The following PIK3CB variants were observed in gnomAD, a reference collection of about 807,000 sequenced individuals.
PIK3CB encodes phosphatidylinositol 4,5-bisphosphate 3-kinase catalytic subunit beta isoform.
Under a neutral mutation model 136.8 loss-of-function variants are expected in PIK3CB, and 39 were observed. That is an observed-to-expected ratio of 0.29 (90% CI 0.22 to 0.37). PIK3CB has a LOEUF of 0.37. PIK3CB is among the 10% of genes least tolerant of loss of function. PIK3CB has a pLI of 1.00. For synonymous variants in PIK3CB, 428 were observed against 436.6 expected (o/e 0.98, Z 0.25); for missense variants, 868 against 1,275.4 (o/e 0.68, Z 4.87).
intron 11 of PIK3CB, among the ~76,000 whole-genome samples, chr3:138,706,838 T>C (rs961784991): frequency 1.3e-5 from 2 of 152,228 alleles, no homozygotes; most frequent in African/African-American, 4.8e-5. Context: ...GTATTTTTAG[T>C]AGAGACAGGG....
chr3:138,760,198 C>T (rs1250584673), intron 2 of PIK3CB, among the ~76,000 whole-genome samples: 1 of 152,200 alleles, frequency 6.6e-6, no homozygotes, highest in Non-Finnish European at 1.5e-5. Flanking sequence ...GCTGGGATTA[C>T]AGGCGTGACC....
At chr3:138,752,764 CT>C (rs1009940904) in intron 4 of PIK3CB, among the ~76,000 whole-genome samples, 6 of 151,698 alleles carry the variant, frequency 4.0e-5, no homozygotes, top group African/African-American at 1.5e-4. Context: ...GATTATACCC[CT>C]ATGCTATGGT....
intron 10 of PIK3CB, chr3:138,707,508 CA>C (rs1238973413): frequency 7.6e-7 from 1 of 1,308,520 alleles, no homozygotes; most frequent in East Asian, 3.3e-5. Flanking sequence ...AGAAAGTTAA[CA>C]AAACTGAATG....
At chr3:138,664,818 C>T (rs534181932) in intron 20 of PIK3CB, among the ~76,000 whole-genome samples, 2 of 152,272 alleles carry the variant, frequency 1.3e-5, no homozygotes, top group South Asian at 2.1e-4. Context: ...AACTTTACTG[C>T]GGGGCTCCAA....
At chr3:138,718,398 C>T (rs2044656390) in intron 8 of PIK3CB, among the ~76,000 whole-genome samples, 1 of 151,936 alleles carries the variant, frequency 6.6e-6, no homozygotes, top group African/African-American at 2.4e-5. Flanking sequence ...TGTTTAAATT[C>T]CTTATAGATA....
chr3:138,815,724 AG>A (rs1333149223), intron 1 of PIK3CB, among the ~76,000 whole-genome samples: 1 of 152,194 alleles, frequency 6.6e-6, no homozygotes. Flanking sequence ...AGTAGTACAC[AG>A]TATACAGGAG....
chr3:138,728,999 G>C (rs2044907353), intron 8 of PIK3CB, among the ~76,000 whole-genome samples: 1 of 152,118 alleles, frequency 6.6e-6, no homozygotes, highest in Non-Finnish European at 1.5e-5. Context: ...CAAGATGGCA[G>C]GCTGGGCATA....
At chr3:138,799,793 T>A (rs991013899) in intron 1 of PIK3CB, among the ~76,000 whole-genome samples, 1 of 152,118 alleles carries the variant, frequency 6.6e-6, no homozygotes, top group African/African-American at 2.4e-5. Flanking sequence ...TCCTCCCACC[T>A]CAGCCTCCCT....
At chr3:138,826,499 G>GTTT (rs34843148) in intron 1 of PIK3CB, among the ~76,000 whole-genome samples, 12 of 95,910 alleles carry the variant, frequency 1.3e-4, no homozygotes, top group Non-Finnish European at 1.6e-4. Flanking sequence ...GACCATTTGG[G>GTTT]TTTTTTTTTT....
chr3:138,737,101 C>T (rs1252238141), intron 6 of PIK3CB, among the ~76,000 whole-genome samples: 2 of 151,678 alleles, frequency 1.3e-5, no homozygotes, highest in Admixed American at 1.3e-4. Context: ...TCAAAACAGC[C>T]GAATGAGCCG....
rs202126933 is a variant in PIK3CB, at chr3:138,680,080, CA to C, written c.2504+1886del. On this transcript the variant is annotated intron_variant, in intron 19 of 23. Transcript: ENST00000674063. ...AACTGCATATAAAAAGAAGAAAAGA[CA>C]GGGGGCGGCGACTCACGCCTGTAAT... Among the ~76,000 whole-genome samples the C allele has an allele frequency of 9.7e-3, 1,473 of 151,786 alleles. 14 individuals carry two copies. The highest frequency in any genetic ancestry group is 0.054 in the Middle Eastern group (16 of 294).
chr3:138,667,330 C>G (rs1226109180), intron 19 of PIK3CB, among the ~76,000 whole-genome samples: 1 of 151,480 alleles, frequency 6.6e-6, no homozygotes, highest in Non-Finnish European at 1.5e-5. Context: ...AAAGACCATG[C>G]AGGTTCCTGT....
chr3:138,798,233 C>A (rs1000454161), intron 1 of PIK3CB, among the ~76,000 whole-genome samples: 2 of 152,096 alleles, frequency 1.3e-5, no homozygotes, highest in Admixed American at 6.6e-5. Context: ...GGCACAATAG[C>A]AGCTCACTGC....
chr3:138,743,437 T>C (rs372928466), intron 4 of PIK3CB, among the ~76,000 whole-genome samples: 1 of 152,226 alleles, frequency 6.6e-6, no homozygotes, highest in Non-Finnish European at 1.5e-5. Flanking sequence ...TCATATATTG[T>C]TTTAGTTAGT....
chr3:138,807,560 T>G (rs558397191), intron 1 of PIK3CB, among the ~76,000 whole-genome samples: 1 of 151,996 alleles, frequency 6.6e-6, no homozygotes, highest in East Asian at 1.9e-4. Flanking sequence ...CTATGGTACA[T>G]CCACATAACG....
chr3:138,763,374 T>C (rs2045688961), intron 2 of PIK3CB, among the ~76,000 whole-genome samples: 1 of 152,100 alleles, frequency 6.6e-6, no homozygotes, highest in Non-Finnish European at 1.5e-5. Flanking sequence ...CCTGACCTCA[T>C]GATCCACCCG....
At chr3:138,756,853 A>G (rs1439425940) in intron 3 of PIK3CB, among the ~76,000 whole-genome samples, 1 of 152,136 alleles carries the variant, frequency 6.6e-6, no homozygotes, top group Non-Finnish European at 1.5e-5. Context: ...AAAACTTAAA[A>G]CTTCTGTACA....
chr3:138,758,033 T>A (rs899235164), intron 3 of PIK3CB, among the ~76,000 whole-genome samples: 4 of 152,066 alleles, frequency 2.6e-5, no homozygotes, highest in African/African-American at 9.7e-5. Context: ...AACAGATAAA[T>A]ATACAAAATG....
intron 4 of PIK3CB, among the ~76,000 whole-genome samples, chr3:138,746,524 G>A (rs963442473): frequency 1.1e-4 from 17 of 151,998 alleles, no homozygotes; most frequent in Admixed American, 3.9e-4. Context: ...AGCCAAGAGT[G>A]GTGGCGGGGA....
Sources: gnomAD v4.1 joint callset for allele counts (sites outside exome capture counted in the v4.1 genomes callset) on GRCh38, gnomAD v4.1.1 for gene constraint, MANE v1.5 for transcripts, NCBI Gene and HGNC (gene_info 2026-07-23, HGNC 2026-07-21) for gene names.